Variants in ZMIZ1 observed in about 807,000 individuals in gnomAD.
ZMIZ1 encodes zinc finger MIZ-type containing 1.
ZMIZ1 carries 17 observed loss-of-function variants against 113.9 expected under a neutral mutation model. The observed-to-expected ratio is 0.15, with a 90% confidence interval of 0.10 to 0.22. The LOEUF (loss-of-function observed/expected upper bound fraction) is 0.22. Ranked by LOEUF, ZMIZ1 falls within the 10% of genes least tolerant of loss-of-function variation. The pLI is 1.00. For missense variants in ZMIZ1, 1,059 were observed against 1,477.8 expected, an observed-to-expected ratio of 0.72 and a Z score of 4.65; for synonymous variants, 607 against 603.1, an observed-to-expected ratio of 1.01 and a Z score of -0.09.
At chr10:79,220,242 G>A (rs916810311) in intron 7 of ZMIZ1, among the ~76,000 whole-genome samples, 1 of 152,140 alleles carries the variant, frequency 6.6e-6, no homozygotes, top group South Asian at 2.1e-4. Context: ...AATACCTGAC[G>A]CACACTGGGG....
chr10:79,156,337 G>A (rs763026813), intron 3 of ZMIZ1, among the ~76,000 whole-genome samples: 4 of 152,082 alleles, frequency 2.6e-5, no homozygotes, highest in Admixed American at 6.5e-5. Flanking sequence ...CTAGGTTTGC[G>A]TGGCATGTCC....
rs576508690 is a variant in ZMIZ1, at chr10:79,299,261, C to A, written c.1808+70C>A. The A allele has an allele frequency of 2.8e-3, 4,225 of 1,535,780 alleles. 5 individuals carry two copies. The highest frequency in any genetic ancestry group is 3.3e-3 in the Non-Finnish European group (3,810 of 1,146,766). ...GTCCCCTGGGATGGCTTCCTTGGGC[C>A]CGAGTGGGGCCCTGGGCAGGGGGTA... On this transcript the variant is annotated intron_variant, in intron 16 of 24. Coordinates refer to ENST00000334512, the MANE Select transcript of ZMIZ1 (RefSeq NM_020338.4).
At chr10:79,143,416 C>T (rs1845353443) in intron 3 of ZMIZ1, among the ~76,000 whole-genome samples, 1 of 152,190 alleles carries the variant, frequency 6.6e-6, no homozygotes, top group African/African-American at 2.4e-5. Context: ...ACCCCTCTCT[C>T]CACAGCAGAG....
intron 7 of ZMIZ1, among the ~76,000 whole-genome samples, chr10:79,268,343 G>C (rs977635192): frequency 6.6e-6 from 1 of 152,196 alleles, no homozygotes; most frequent in Non-Finnish European, 1.5e-5. Flanking sequence ...CCAGTCTCTG[G>C]ACACATTCGT....
intron 2 of ZMIZ1, among the ~76,000 whole-genome samples, chr10:79,138,702 A>G (rs1421792171): frequency 2.0e-5 from 3 of 152,214 alleles, no homozygotes; most frequent in Non-Finnish European, 4.4e-5. Flanking sequence ...ACGTTTGCCA[A>G]AGCTTGGCCC....
intron 3 of ZMIZ1, among the ~76,000 whole-genome samples, chr10:79,140,890 C>T (rs1452781637): frequency 6.6e-6 from 1 of 152,168 alleles, no homozygotes; most frequent in East Asian, 1.9e-4. Flanking sequence ...TGAAGCGATT[C>T]TCCCACCTCA....
At chr10:79,257,060 G>A (rs1850956564) in intron 7 of ZMIZ1, among the ~76,000 whole-genome samples, 1 of 152,182 alleles carries the variant, frequency 6.6e-6, no homozygotes, top group Non-Finnish European at 1.5e-5. Flanking sequence ...TCACCTTGTC[G>A]CTGACCTGCC....
At chr10:79,074,923 G>T (rs1842417640) in intron 1 of ZMIZ1, among the ~76,000 whole-genome samples, 1 of 152,270 alleles carries the variant, frequency 6.6e-6, no homozygotes, top group Non-Finnish European at 1.5e-5. Flanking sequence ...GTCAGGCCCA[G>T]CTGCCGGAGT....
At chr10:79,157,315 G>A (rs980951240) in intron 3 of ZMIZ1, among the ~76,000 whole-genome samples, 22 of 151,988 alleles carry the variant, frequency 1.4e-4, no homozygotes, top group African/African-American at 5.1e-4. Flanking sequence ...CTGGCAGGTG[G>A]GAGAATCTAC....
intron 7 of ZMIZ1, among the ~76,000 whole-genome samples, chr10:79,247,964 T>C (rs1027339699): frequency 7.2e-5 from 11 of 152,208 alleles, no homozygotes; most frequent in Non-Finnish European, 1.3e-4. Flanking sequence ...CATCTCTGCC[T>C]CATCTTTATC....
chr10:79,281,756 C>T (rs777865012), intron 8 of ZMIZ1, among the ~76,000 whole-genome samples: 2 of 152,212 alleles, frequency 1.3e-5, no homozygotes, highest in Non-Finnish European at 2.9e-5. Flanking sequence ...GCCTGCTAGA[C>T]AACATCCCAC....
chr10:79,166,000 G>GTGTGTGTGTGTGTGTGTC lies in ZMIZ1; in HGVS notation c.-50+3869_-50+3870insTGTGTGTGTGTGTGTCTG, dbSNP rs36040251. On this transcript the variant is annotated intron_variant, in intron 4 of 24. Transcript: ENST00000334512. ...TGTGTGTGTGTGTGTGTGTGTGTGT[G>GTGTGTGTGTGTGTGTGTC]TGGGCTCTCCCTGCAGGGTGGGGCA... is the stretch of plus-strand genomic sequence containing the variant. Among the ~76,000 whole-genome samples the GTGTGTGTGTGTGTGTGTC allele has an allele frequency of 3.7e-4, 43 of 115,700 alleles. 1 individual carries two copies. Among genetic ancestry groups the GTGTGTGTGTGTGTGTGTC allele is most frequent in the Middle Eastern group, 8.3e-3 (2 of 240 alleles). 75.9% of individuals were successfully genotyped at this position (115,700 alleles called of 152,430 possible). A position where few individuals can be genotyped will look rare whatever the true frequency, so the allele number is the denominator to read the frequency against.
intron 7 of ZMIZ1, among the ~76,000 whole-genome samples, chr10:79,249,985 A>G (rs1488239479): frequency 6.6e-6 from 1 of 152,164 alleles, no homozygotes; most frequent in South Asian, 2.1e-4. Context: ...CTGTTTCCTG[A>G]TCAGTGCAGT....
At chr10:79,086,615 G>T (rs902395878) in intron 1 of ZMIZ1, among the ~76,000 whole-genome samples, 1 of 152,176 alleles carries the variant, frequency 6.6e-6, no homozygotes, top group Non-Finnish European at 1.5e-5. Flanking sequence ...CTGGACTCAA[G>T]CGATCCTCCC....
chr10:79,286,384 A>G (rs1853078353), intron 8 of ZMIZ1, among the ~76,000 whole-genome samples: 1 of 152,236 alleles, frequency 6.6e-6, no homozygotes, highest in East Asian at 1.9e-4. Flanking sequence ...TGCGGGGGCG[A>G]GAGCCTTCTC....
At chr10:79,247,840 T>C (rs970721934) in intron 7 of ZMIZ1, among the ~76,000 whole-genome samples, 1 of 152,230 alleles carries the variant, frequency 6.6e-6, no homozygotes, top group African/African-American at 2.4e-5. Flanking sequence ...TCTGATGCTA[T>C]TGGTAGAATC....
At chr10:79,179,204 A>G (rs758302467) in intron 4 of ZMIZ1, among the ~76,000 whole-genome samples, 8 of 152,222 alleles carry the variant, frequency 5.3e-5, no homozygotes, top group Admixed American at 1.3e-4. Flanking sequence ...GCAACAGGTA[A>G]AAGTTACTGG....
chr10:79,293,989 C>T, intron 12 of ZMIZ1: 1 of 405,630 alleles, frequency 2.5e-6, no homozygotes, highest in Non-Finnish European at 4.6e-6. Flanking sequence ...CAGCCACTAA[C>T]TGGGTGACCT....
chr10:79,212,390 C>T (rs549614751), intron 6 of ZMIZ1, among the ~76,000 whole-genome samples: 2 of 151,992 alleles, frequency 1.3e-5, no homozygotes, highest in South Asian at 4.2e-4. Flanking sequence ...AGGATGGTCT[C>T]AAACTCCTGG....
Sources: allele counts gnomAD v4.1 joint callset (sites outside exome capture counted in the v4.1 genomes callset), GRCh38; gene constraint gnomAD v4.1.1; transcripts MANE v1.5; gene names NCBI Gene and HGNC (gene_info 2026-07-23, HGNC 2026-07-21).